The following PLCL1 variants were observed in gnomAD, a reference collection of about 807,000 sequenced individuals.
PLCL1 encodes the protein phospholipase C like 1 (inactive).
Under a neutral mutation model 84.4 loss-of-function variants are expected in PLCL1, and 41 were observed. The observed-to-expected ratio is 0.49, with a 90% CI of 0.38 to 0.63. PLCL1 has a LOEUF of 0.63. Ranked by LOEUF, PLCL1 falls within the 30% of genes least tolerant of loss-of-function variation. The pLI, the probability that PLCL1 is intolerant of heterozygous loss-of-function variation, is 0.00. For missense variants in PLCL1, 1,206 were observed against 1,367.8 expected, an observed-to-expected ratio of 0.88 and a Z score of 1.87; for synonymous variants, 490 against 488.3, an observed-to-expected ratio of 1.00 and a Z score of -0.05.
At chr2:197,844,566 G>A (rs1687084088) in intron 1 of PLCL1, among the ~76,000 whole-genome samples, 1 of 152,126 alleles carries the variant, frequency 6.6e-6, no homozygotes, top group African/African-American at 2.4e-5. Context: ...AGTATAAAAT[G>A]TCTAAGATTA....
At position 198,100,922 on chromosome 2, in the gene PLCL1, C is replaced by T. The variant is rs114998353; in HGVS notation, c.2920-363C>T. ...TTCTGGTTCTCATTGCTATTATGTT[C>T]CAATACCACTTGCCTTGATATTGCA... On this transcript the variant is annotated intron_variant, in intron 3 of 5. Coordinates refer to ENST00000428675, the MANE Select transcript of PLCL1 (RefSeq NM_006226.4). Among the ~76,000 whole-genome samples, 1,051 of 152,076 alleles carry T rather than the reference C, an allele frequency of 6.9e-3. 5 individuals carry two copies. The highest frequency in any genetic ancestry group is 0.014 in the Middle Eastern group (4 of 294).
chr2:198,098,327 A>G (rs2105909994), intron 3 of PLCL1, among the ~76,000 whole-genome samples: 1 of 152,330 alleles, frequency 6.6e-6, no homozygotes, highest in African/African-American at 2.4e-5. Flanking sequence ...ATATGAAAAA[A>G]TGTTTATCAT....
chr2:197,936,161 C>G (rs1689049794), intron 1 of PLCL1, among the ~76,000 whole-genome samples: 1 of 134,706 alleles, frequency 7.4e-6, no homozygotes, highest in Admixed American at 8.5e-5. Flanking sequence ...TTTATCCATT[C>G]ATGCATTGAT....
intron 1 of PLCL1, among the ~76,000 whole-genome samples, chr2:198,039,082 G>T (rs551474419): frequency 6.6e-6 from 1 of 152,058 alleles, no homozygotes; most frequent in Admixed American, 6.6e-5. Flanking sequence ...GCTTCATTTT[G>T]ACAGGTTCTT....
intron 1 of PLCL1, among the ~76,000 whole-genome samples, chr2:198,045,628 G>A (rs1178215737): frequency 6.6e-6 from 1 of 152,126 alleles, no homozygotes; most frequent in Non-Finnish European, 1.5e-5. Flanking sequence ...ACCAGGAATG[G>A]GAGGAAAGGA....
chr2:198,091,566 G>C (rs1693035801), intron 3 of PLCL1, among the ~76,000 whole-genome samples: 1 of 151,926 alleles, frequency 6.6e-6, no homozygotes, highest in African/African-American at 2.4e-5. Context: ...TGTAATCCCA[G>C]CTACTTGGGA....
rs556626094 is a variant in PLCL1, at chr2:197,805,160, G to T, written c.61G>T (p.Asp21Tyr). The change falls in exon 1 of 6, where the codon GAC (aspartate) becomes TAC (tyrosine). Residue 21 changes from aspartate (D) to tyrosine (Y), a missense_variant. Asp to Tyr is a radical substitution (Grantham distance 160, BLOSUM62 -3). Transcript: ENST00000428675. This position sits in a 1 kb window ranked among gnomAD's most constrained non-coding sequence, Gnocchi z 4.0. ...PAPPDAAGGE[D>Y]DPRVGPDAAG... Reference sequence around the variant, plus strand: ...GCCGCCCGACGCGGCGGGGGGCGAAGACGACCCCCGAGTGGGCCCGGATGC... The same window carrying T: ...GCCGCCCGACGCGGCGGGGGGCGAATACGACCCCCGAGTGGGCCCGGATGC... The T allele has an allele frequency of 1.0e-4, 130 of 1,302,766 alleles. 1 individual carries two copies. In the South Asian group the frequency reaches 2.4e-3, roughly 25 times the overall value. The allele number at this position is 1,302,766 out of a possible 1,614,324, so 80.7% of individuals were successfully genotyped here.
At chr2:197,914,294 T>C (rs1363153080) in intron 1 of PLCL1, among the ~76,000 whole-genome samples, 1 of 152,124 alleles carries the variant, frequency 6.6e-6, no homozygotes, top group African/African-American at 2.4e-5. Context: ...AGTGAAAATA[T>C]ATAGGTCCTA....
intron 1 of PLCL1, among the ~76,000 whole-genome samples, chr2:197,912,826 A>C (rs1490178880): frequency 7.8e-6 from 1 of 128,012 alleles, no homozygotes; most frequent in African/African-American, 3.0e-5. Context: ...GGGGAGGGAT[A>C]GCATTGGGAG....
intron 1 of PLCL1, among the ~76,000 whole-genome samples, chr2:197,930,108 C>T (rs1266466308): frequency 6.6e-6 from 1 of 152,126 alleles, no homozygotes; most frequent in African/African-American, 2.4e-5. Flanking sequence ...ATTACTACTG[C>T]TCTATATAAA....
chr2:197,861,758 A>T (rs1328697821), intron 1 of PLCL1, among the ~76,000 whole-genome samples: 1 of 152,120 alleles, frequency 6.6e-6, no homozygotes, highest in Non-Finnish European at 1.5e-5. Context: ...TGCTTGGTGT[A>T]TGGGGGGGAA....
intron 5 of PLCL1, among the ~76,000 whole-genome samples, chr2:198,133,745 A>G (rs1694185562): frequency 6.6e-6 from 1 of 152,080 alleles, no homozygotes; most frequent in African/African-American, 2.4e-5. Flanking sequence ...CCATTTCCCA[A>G]TACACTCTCC....
At chr2:197,969,453 T>C (rs1689816665) in intron 1 of PLCL1, among the ~76,000 whole-genome samples, 1 of 152,182 alleles carries the variant, frequency 6.6e-6, no homozygotes, top group Admixed American at 6.5e-5. Flanking sequence ...TATGCCTGCT[T>C]CTCCATTGGT....
intron 5 of PLCL1, among the ~76,000 whole-genome samples, chr2:198,132,052 C>T (rs532793853): frequency 6.6e-6 from 1 of 152,312 alleles, no homozygotes; most frequent in East Asian, 1.9e-4. Flanking sequence ...CTTACAGGGG[C>T]TCAGCTCTGC....
At chr2:197,961,238 G>GGAGAGAGAGAGAGAGAGA (rs60411488) in intron 1 of PLCL1, among the ~76,000 whole-genome samples, 1,530 of 145,952 alleles carry the variant, frequency 0.01, 17 homozygotes, top group African/African-American at 0.03. Context: ...TTGGGAAGGT[G>GGAGAGAGAGAGAGAGAGA]GAGAGAGAGA....
chr2:197,920,738 CATATTTTCTAT>C, intron 1 of PLCL1, among the ~76,000 whole-genome samples: 1 of 152,282 alleles, frequency 6.6e-6, no homozygotes, highest in Non-Finnish European at 1.5e-5. Flanking sequence ...AATGACTTGG[CATATTTTCTAT>C]AACTTTGTTG....
intron 3 of PLCL1, among the ~76,000 whole-genome samples, chr2:198,095,953 G>A (rs1357579603): frequency 1.3e-5 from 2 of 152,190 alleles, no homozygotes; most frequent in Non-Finnish European, 2.9e-5. Context: ...AGGAAAATGT[G>A]TAGGAACACA....
At chr2:197,994,116 G>T (rs1690406044) in intron 1 of PLCL1, among the ~76,000 whole-genome samples, 1 of 152,180 alleles carries the variant, frequency 6.6e-6, no homozygotes, top group Non-Finnish European at 1.5e-5. Context: ...CTCTAGGCTT[G>T]AGGTGAGGGA....
chr2:198,052,246 C>T (rs1448979183), intron 1 of PLCL1, among the ~76,000 whole-genome samples: 6 of 152,000 alleles, frequency 3.9e-5, no homozygotes, highest in Admixed American at 3.9e-4. Context: ...GACAGGGTTT[C>T]ACCATGTTGG....
Sources: gnomAD v4.1 joint callset for allele counts (sites outside exome capture counted in the v4.1 genomes callset) on GRCh38, gnomAD v4.1.1 for gene constraint, Gnocchi (gnomAD v3.1) non-coding constraint, MANE v1.5 for transcripts, NCBI Gene and HGNC (gene_info 2026-07-23, HGNC 2026-07-21) for gene names.